The following AGTPBP1 variants were observed in gnomAD, a reference collection of about 807,000 sequenced individuals.
AGTPBP1 encodes cytosolic carboxypeptidase 1.
Under a neutral mutation model 143.9 loss-of-function variants are expected in AGTPBP1, and 70 were observed. That is an observed-to-expected ratio of 0.49 (90% CI 0.40 to 0.59). The LOEUF is 0.59. AGTPBP1 is among the 20% of genes least tolerant of loss of function. AGTPBP1 has a pLI of 0.00. For missense variants in AGTPBP1, 1,229 were observed against 1,464.5 expected, an observed-to-expected ratio of 0.84 and a Z score of 2.62; for synonymous variants, 463 against 500.2, an observed-to-expected ratio of 0.93 and a Z score of 0.99.
intron 25 of AGTPBP1, among the ~76,000 whole-genome samples, chr9:85,556,941 AG>A (rs1385098385): frequency 6.6e-6 from 1 of 152,200 alleles, no homozygotes; most frequent in African/African-American, 2.4e-5. Context: ...TCTGAACCAC[AG>A]ATTTAAAAAC....
intron 1 of AGTPBP1, among the ~76,000 whole-genome samples, chr9:85,739,925 C>T (rs1276097063): frequency 6.6e-6 from 1 of 151,742 alleles, no homozygotes; most frequent in Non-Finnish European, 1.5e-5. Context: ...ATCGCTTGAA[C>T]CCGGTAGGGG....
chr9:85,689,751 C>T (rs1031964457), intron 3 of AGTPBP1, among the ~76,000 whole-genome samples: 15 of 151,140 alleles, frequency 9.9e-5, no homozygotes, highest in African/African-American at 3.7e-4. Context: ...AAAAAATTAG[C>T]CTGGTGTTGT....
At chr9:85,707,831 C>T (rs575614387) in intron 2 of AGTPBP1, among the ~76,000 whole-genome samples, 2 of 150,194 alleles carry the variant, frequency 1.3e-5, no homozygotes, top group African/African-American at 2.4e-5. Context: ...TGGTTTTTGG[C>T]ATGTTCTCAC....
In AGTPBP1 at chr9:85,734,938, A is replaced by C. The variant is rs759829427; in HGVS notation, c.-34+6837T>G. Among the ~76,000 whole-genome samples, 55 of 152,192 alleles carry C rather than the reference A, an allele frequency of 3.6e-4. 1 individual carries two copies. The highest frequency in any genetic ancestry group is 3.1e-4 in the Non-Finnish European group (21 of 68,032). Reference sequence around the variant, plus strand: ...GTAGTCCCAGCTACTTAGGAGGCTGAGGCAGGAGAATCACTTGAACCCAGA... The same window carrying C: ...GTAGTCCCAGCTACTTAGGAGGCTGCGGCAGGAGAATCACTTGAACCCAGA... On this transcript the variant is annotated intron_variant, in intron 1 of 25. Transcript: ENST00000357081.
chr9:85,721,281 T>C (rs147684672), intron 1 of AGTPBP1, among the ~76,000 whole-genome samples: 2 of 152,290 alleles, frequency 1.3e-5, no homozygotes, highest in East Asian at 3.9e-4. Flanking sequence ...CTCCCATTAT[T>C]ATTGTGTGGG....
chr9:85,608,062 A>G (rs1830093174), intron 17 of AGTPBP1, among the ~76,000 whole-genome samples: 1 of 152,140 alleles, frequency 6.6e-6, no homozygotes, highest in African/African-American at 2.4e-5. Context: ...AAAACCACAC[A>G]TGACCCAGGC....
intron 1 of AGTPBP1, among the ~76,000 whole-genome samples, chr9:85,734,814 A>G (rs1839131902): frequency 1.3e-5 from 2 of 152,200 alleles, no homozygotes; most frequent in Admixed American, 6.5e-5. Flanking sequence ...CAAGTGGATC[A>G]TGAAGTCAGG....
intron 6 of AGTPBP1, among the ~76,000 whole-genome samples, chr9:85,676,257 G>A (rs920774601): frequency 2.0e-5 from 3 of 151,906 alleles, no homozygotes; most frequent in Non-Finnish European, 4.4e-5. Context: ...ACAAAGTGAA[G>A]AGATAACCTA....
At chr9:85,551,441 A>G (rs1826033702) in intron 25 of AGTPBP1, among the ~76,000 whole-genome samples, 1 of 152,192 alleles carries the variant, frequency 6.6e-6, no homozygotes, top group African/African-American at 2.4e-5. Context: ...CATGTATGCA[A>G]TTGAAAGCAC....
intron 25 of AGTPBP1, among the ~76,000 whole-genome samples, chr9:85,556,503 T>C (rs1237676716): frequency 6.6e-6 from 1 of 152,122 alleles, no homozygotes; most frequent in East Asian, 1.9e-4. Context: ...ATTCATTAAA[T>C]GGAAATGGAG....
At chr9:85,560,631 TC>T (rs1826647913) in intron 25 of AGTPBP1, among the ~76,000 whole-genome samples, 1 of 152,206 alleles carries the variant, frequency 6.6e-6, no homozygotes, top group African/African-American at 2.4e-5. Context: ...TAGATATTTT[TC>T]CTAACTCCCA....
intron 14 of AGTPBP1, among the ~76,000 whole-genome samples, chr9:85,627,112 C>T (rs917941091): frequency 1.3e-5 from 2 of 152,158 alleles, no homozygotes; most frequent in Admixed American, 6.5e-5. Flanking sequence ...TGAAACAATA[C>T]TTAGCTGTAC....
At chr9:85,705,347 TAAGTATGAC>T (rs139749547) in intron 2 of AGTPBP1, among the ~76,000 whole-genome samples, 2,247 of 150,976 alleles carry the variant, frequency 0.015, 25 homozygotes, top group Middle Eastern at 0.038. Context: ...AGAACTAAGA[TAAGTATGAC>T]AACAGAATTA....
chr9:85,764,179 T>C, the AGTPBP1 span, among the ~76,000 whole-genome samples: 2 of 151,406 alleles, frequency 1.3e-5, no homozygotes, highest in African/African-American at 2.4e-5. Context: ...GGCAGTAAAC[T>C]CAGAGTTTAA....
At chr9:85,762,023 C>T in the AGTPBP1 span, among the ~76,000 whole-genome samples, 1 of 152,168 alleles carries the variant, frequency 6.6e-6, no homozygotes, top group Non-Finnish European at 1.5e-5. Flanking sequence ...TGAAAAAATG[C>T]TCATCATCAC....
chr9:85,749,576 C>T, the AGTPBP1 span, among the ~76,000 whole-genome samples: 23 of 152,134 alleles, frequency 1.5e-4, no homozygotes, highest in Admixed American at 6.5e-5. Context: ...TTCAGAGCAG[C>T]AGTTCTTAAC....
intron 10 of AGTPBP1, among the ~76,000 whole-genome samples, chr9:85,656,635 C>A (rs1833529438): frequency 6.6e-6 from 1 of 151,842 alleles, no homozygotes; most frequent in South Asian, 2.1e-4. Flanking sequence ...TGCATTGCAA[C>A]ATCCTCATTC....
the AGTPBP1 span, among the ~76,000 whole-genome samples, chr9:85,800,674 T>C: frequency 2.6e-5 from 4 of 152,218 alleles, no homozygotes; most frequent in Non-Finnish European, 4.4e-5. Context: ...CATGTACATA[T>C]GCAATGAACA....
At chr9:85,791,994 T>C in the AGTPBP1 span, among the ~76,000 whole-genome samples, 1 of 152,270 alleles carries the variant, frequency 6.6e-6, no homozygotes, top group Non-Finnish European at 1.5e-5. Flanking sequence ...TGAAGAACCA[T>C]GAATGATATG....
Sources: gnomAD v4.1 joint callset for allele counts (sites outside exome capture counted in the v4.1 genomes callset) on GRCh38, gnomAD v4.1.1 for gene constraint, MANE v1.5 for transcripts, NCBI Gene and HGNC (gene_info 2026-07-23, HGNC 2026-07-21) for gene names.